NEK10: variants seen among roughly 807,000 people sequenced by gnomAD.
NEK10 encodes serine/threonine-protein kinase Nek10.
In NEK10, 122 loss-of-function variants were observed where a neutral mutation model predicts 159.8. That is an observed-to-expected ratio of 0.76 (90% CI 0.66 to 0.89). The LOEUF is 0.89. Among genes scored for constraint, NEK10 ranks in the 40% least tolerant of loss-of-function variants. The pLI, the probability that NEK10 is intolerant of heterozygous loss-of-function variation, is 0.00. For missense variants in NEK10, 1,342 were observed against 1,323.1 expected, an observed-to-expected ratio of 1.01 and a Z score of -0.22; for synonymous variants, 466 against 457.1, an observed-to-expected ratio of 1.02 and a Z score of -0.25.
Position 27,284,780 on chromosome 3 carries a change from T to C in NEK10, c.1911+60A>G, listed in dbSNP as rs2042454410. The C allele has an allele frequency of 3.2e-6, 5 of 1,548,684 alleles. No homozygotes were observed. The Admixed American group carries it at 8.5e-5, about 26-fold the overall frequency. On this transcript the variant is annotated intron_variant, in intron 21 of 35. Transcript: ENST00000691995. ...GCCAAAGATGACTACTGCACGTCTT[T>C]AAGAAGCCAGCTCAGAACATTACTG...
intron 22 of NEK10, among the ~76,000 whole-genome samples, chr3:27,273,664 G>A (rs760596450): frequency 2.6e-5 from 4 of 152,076 alleles, no homozygotes; most frequent in African/African-American, 4.8e-5. Flanking sequence ...TGACAATTTC[G>A]GGAAATGATT....
chr3:27,165,258 T>C (rs961788207), intron 29 of NEK10, among the ~76,000 whole-genome samples: 2 of 152,192 alleles, frequency 1.3e-5, no homozygotes, highest in African/African-American at 4.8e-5. Context: ...CAAGAAAATA[T>C]AGTCATCTGA....
At chr3:27,356,393 T>C (rs1031844854) in intron 1 of NEK10, among the ~76,000 whole-genome samples, 2 of 152,086 alleles carry the variant, frequency 1.3e-5, no homozygotes, top group African/African-American at 4.8e-5. Flanking sequence ...GTACCTGTAG[T>C]GCAAGCTTCA....
rs1939293423 is a variant in NEK10, at chr3:27,109,370, C to T, written c.*1902G>A. ...CTCAAGCCTGGGCAACAGAGTGAGA[C>T]TCTGTCTTAAAAAAAAAAAAAAAAA... On this transcript the variant is annotated 3_prime_UTR_variant, in exon 36 of 36. Coordinates refer to ENST00000691995, the MANE Select transcript of NEK10 (RefSeq NM_001394966.1). 7.7e-6 allele frequency among the ~76,000 whole-genome samples: 1 copy of T among 129,978 alleles called. No homozygotes were observed. Among genetic ancestry groups the T allele is most frequent in the African/African-American group, 2.8e-5 (1 of 35,790 alleles). 85.3% of individuals were successfully genotyped at this position (129,978 alleles called of 152,430 possible).
At chr3:27,237,664 G>A (rs914910788) in intron 23 of NEK10, among the ~76,000 whole-genome samples, 7 of 151,916 alleles carry the variant, frequency 4.6e-5, no homozygotes, top group Non-Finnish European at 1.0e-4. Context: ...GGGTGGGAGT[G>A]GGGTGAGGAA....
intron 30 of NEK10, among the ~76,000 whole-genome samples, chr3:27,160,389 G>A (rs1945904382): frequency 6.6e-6 from 1 of 152,126 alleles, no homozygotes; most frequent in African/African-American, 2.4e-5. Flanking sequence ...ATTTGATAAA[G>A]CAACCAATCA....
intron 26 of NEK10, among the ~76,000 whole-genome samples, chr3:27,189,325 C>T (rs1575163105): frequency 6.6e-6 from 1 of 151,954 alleles, no homozygotes; most frequent in Admixed American, 6.6e-5. Flanking sequence ...AGAATACTTC[C>T]CCATGAAATA....
rs1950557905 is a variant in NEK10 at position 27,206,504 on chromosome 3, G to A, written c.2091-3947C>T. The A allele has an allele frequency of 3.8e-6, 3 of 798,866 alleles. No homozygotes were observed. In the African/African-American group the frequency reaches 5.6e-5, roughly 15 times the overall value. 49.5% of individuals were successfully genotyped at this position (798,866 alleles called of 1,614,324 possible). A position where few individuals can be genotyped will look rare whatever the true frequency, so the allele number is the denominator to read the frequency against. On this transcript the variant is annotated intron_variant, in intron 23 of 35. Transcript: ENST00000691995. ...AAAAATGGTTCCTTCCTCCCTCTCAGATACCATATAATGACCCTTCAGTGG... is the reference window on the plus strand; with the variant it reads ...AAAAATGGTTCCTTCCTCCCTCTCAAATACCATATAATGACCCTTCAGTGG...
At chr3:27,251,771 T>A (rs1267331547) in intron 23 of NEK10, among the ~76,000 whole-genome samples, 1 of 152,258 alleles carries the variant, frequency 6.6e-6, no homozygotes, top group Non-Finnish European at 1.5e-5. Flanking sequence ...CATATTTCTG[T>A]AATATATAAT....
intron 4 of NEK10, among the ~76,000 whole-genome samples, chr3:27,345,685 C>A (rs1487950164): frequency 1.3e-5 from 2 of 152,186 alleles, no homozygotes; most frequent in African/African-American, 4.8e-5. Context: ...CAACTGAAAA[C>A]CTCAGTTGTT....
intron 4 of NEK10, 65 bp downstream of exon 4, chr3:27,346,015 ATAAACT>A: frequency 6.8e-7 from 1 of 1,467,268 alleles, no homozygotes; most frequent in Non-Finnish European, 9.4e-7. Flanking sequence ...AGCTCCTGGG[ATAAACT>A]TAAATAAAAC....
chr3:27,272,686 C>T (rs745556758), intron 22 of NEK10, among the ~76,000 whole-genome samples: 15 of 152,126 alleles, frequency 9.9e-5, no homozygotes, highest in Non-Finnish European at 1.5e-4. Flanking sequence ...TTGTCCAACA[C>T]TAAGAGCATA....
intron 9 of NEK10, chr3:27,309,685 G>T (rs2044530678): frequency 6.6e-6 from 1 of 152,190 alleles, no homozygotes; most frequent in South Asian, 2.1e-4. Flanking sequence ...AATAGTGGTA[G>T]TGATCAGCCA....
At chr3:27,351,788 T>G (rs2047988427) in intron 3 of NEK10, among the ~76,000 whole-genome samples, 1 of 152,042 alleles carries the variant, frequency 6.6e-6, no homozygotes. Context: ...ATTTATGAGT[T>G]AAGGTGCTAA....
At chr3:27,351,064 A>G (rs1288277819) in intron 3 of NEK10, among the ~76,000 whole-genome samples, 1 of 152,172 alleles carries the variant, frequency 6.6e-6, no homozygotes, top group Non-Finnish European at 1.5e-5. Context: ...AGCGCAGGAG[A>G]AAATAATGCC....
chr3:27,292,277 G>A (rs1336061837), intron 16 of NEK10, among the ~76,000 whole-genome samples: 2 of 152,096 alleles, frequency 1.3e-5, no homozygotes, highest in Non-Finnish European at 2.9e-5. Flanking sequence ...TATAGGCATT[G>A]AATACATTAG....
In NEK10 at chr3:27,331,237, C is replaced by CAAAAAAAAAAAAAAAAAA. The variant is rs11351970; in HGVS notation, c.363-8977_363-8976insTTTTTTTTTTTTTTTTTT. ...TGGGTGATAAAGTAAGACTCTGTCT[C>CAAAAAAAAAAAAAAAAAA]AAAAAAAAAAAAACAAAAAAAAAAA... On this transcript the variant is annotated intron_variant, in intron 5 of 35. Coordinates refer to ENST00000691995, the MANE Select transcript of NEK10 (RefSeq NM_001394966.1). 1.2e-3 allele frequency among the ~76,000 whole-genome samples: 35 copies of CAAAAAAAAAAAAAAAAAA among 29,572 alleles called. 2 individuals carry two copies. The highest frequency in any genetic ancestry group is 1.9e-3 in the African/African-American group (32 of 17,202). The allele number at this position is 29,572 out of a possible 152,430, so 19.4% of individuals were successfully genotyped here.
intron 30 of NEK10, among the ~76,000 whole-genome samples, chr3:27,159,150 T>C (rs1419919258): frequency 6.6e-6 from 1 of 152,184 alleles, no homozygotes; most frequent in African/African-American, 2.4e-5. Context: ...TTCTTTCTGT[T>C]GTTTATATCA....
At chr3:27,263,501 C>G (rs893258436) in intron 22 of NEK10, among the ~76,000 whole-genome samples, 12 of 152,174 alleles carry the variant, frequency 7.9e-5, no homozygotes, top group Non-Finnish European at 4.4e-5. Context: ...TTTACCTACT[C>G]AAGCCTCGGC....
Sources: allele counts gnomAD v4.1 joint callset (sites outside exome capture counted in the v4.1 genomes callset), GRCh38; gene constraint gnomAD v4.1.1; transcripts MANE v1.5; gene names NCBI Gene and HGNC (gene_info 2026-07-23, HGNC 2026-07-21).